ABCA1: variants seen among roughly 807,000 people sequenced by gnomAD.
The protein encoded by ABCA1 is phospholipid-transporting ATPase ABCA1.
ABCA1 carries 133 observed loss-of-function variants against 262.5 expected under a neutral mutation model. The ratio of observed to expected loss-of-function variants is 0.51; its 90% CI spans 0.44 to 0.59. The LOEUF is 0.59. Among genes scored for constraint, ABCA1 ranks in the 20% least tolerant of loss-of-function variants. ABCA1 has a pLI of 0.00. For missense variants in ABCA1, 2,452 were observed against 2,777.5 expected (o/e 0.88, Z 2.63); for synonymous variants, 1,022 against 1,043.5 (o/e 0.98, Z 0.40).
intron 7 of ABCA1, among the ~76,000 whole-genome samples, chr9:104,846,784 G>A (rs4149292): frequency 0.087 from 13,297 of 152,152 alleles, 652 homozygotes; most frequent in Middle Eastern, 0.13. Flanking sequence ...AGGGACCTAC[G>A]CGGTCTCCCT....
intron 21 of ABCA1, 62 bp downstream of exon 21, chr9:104,819,865 T>C (rs954112130): frequency 1.8e-5 from 29 of 1,608,668 alleles, no homozygotes; most frequent in Non-Finnish European, 2.3e-5. Context: ...CTGATTTTCC[T>C]CCGCATGTGT....
intron 2 of ABCA1, among the ~76,000 whole-genome samples, chr9:104,895,593 A>G (rs1031129778): frequency 1.3e-5 from 2 of 152,258 alleles, no homozygotes; most frequent in South Asian, 4.1e-4. Context: ...TATTTCACAT[A>G]GAAGGCTTAG....
At chr9:104,834,739 G>C (rs1311205716) in intron 11 of ABCA1, among the ~76,000 whole-genome samples, 1 of 133,166 alleles carries the variant, frequency 7.5e-6, no homozygotes, top group Non-Finnish European at 1.6e-5. Context: ...TCAGAAAAGA[G>C]AGCAAATCAG....
chr9:104,871,365 T>C (rs867067052), intron 5 of ABCA1, among the ~76,000 whole-genome samples: 6 of 152,146 alleles, frequency 3.9e-5, no homozygotes, highest in South Asian at 2.1e-4. Flanking sequence ...ACAATACCCA[T>C]GTCTTACTGA....
At chr9:104,847,215 G>A (rs1282039512) in intron 7 of ABCA1, among the ~76,000 whole-genome samples, 2 of 152,134 alleles carry the variant, frequency 1.3e-5, no homozygotes, top group African/African-American at 4.8e-5. Context: ...AAGATTGTTA[G>A]GATTCTTGTC....
chr9:104,785,283 A>C, intron 49 of ABCA1, 113 bp downstream of exon 49: 1 of 1,395,460 alleles, frequency 7.2e-7, no homozygotes, highest in Non-Finnish European at 9.9e-7. Context: ...ATAGTAGATC[A>C]GGAATTCAAG....
Position 104,798,338 on chromosome 9 carries a change from T to C in ABCA1, c.5121+83A>G, listed in dbSNP as rs1242136055. The C allele has an allele frequency of 1.9e-5, 29 of 1,495,348 alleles. No individual in the cohort carries two copies. In the East Asian group the frequency reaches 6.5e-4, roughly 34 times the overall value. 92.6% of individuals were successfully genotyped at this position (1,495,348 alleles called of 1,614,324 possible). On this transcript the variant is annotated intron_variant, in intron 37 of 49. Transcript: ENST00000374736. ...GAGTAGCTGGAACATTTCCTGATGA[T>C]AGCCAGAGCTCTTTCTTTCTTATCC...
intron 1 of ABCA1, among the ~76,000 whole-genome samples, chr9:104,922,639 T>C (rs1467967350): frequency 2.0e-5 from 3 of 152,212 alleles, no homozygotes; most frequent in Admixed American, 2.0e-4. Context: ...AGAGGTGTCT[T>C]CAAAGAGTTT....
At chr9:104,813,574 C>T (rs1282135036) in intron 27 of ABCA1, among the ~76,000 whole-genome samples, 3 of 152,098 alleles carry the variant, frequency 2.0e-5, no homozygotes, top group South Asian at 2.1e-4. Flanking sequence ...CCACCACACT[C>T]GGCTAATTTT....
chr9:104,887,195 T>G (rs1247342977), intron 3 of ABCA1, among the ~76,000 whole-genome samples: 1 of 152,198 alleles, frequency 6.6e-6, no homozygotes, highest in Non-Finnish European at 1.5e-5. Flanking sequence ...GGAGGCTCAC[T>G]GGAACCTGGG....
At chr9:104,909,705 T>C (rs1453670627) in intron 1 of ABCA1, among the ~76,000 whole-genome samples, 1 of 151,448 alleles carries the variant, frequency 6.6e-6, no homozygotes, top group African/African-American at 2.4e-5. Context: ...AGTTAGCACC[T>C]GGCACGTGTT....
chr9:104,915,997 C>T (rs4149261), intron 1 of ABCA1, among the ~76,000 whole-genome samples: 14,411 of 151,994 alleles, frequency 0.095, 916 homozygotes, highest in East Asian at 0.35. Context: ...GTCAGACAGC[C>T]CTCTATTTGC....
chr9:104,884,683 T>C (rs943877594), intron 3 of ABCA1, 115 bp from the exon 4 acceptor site: 3 of 1,233,846 alleles, frequency 2.4e-6, no homozygotes. Flanking sequence ...ATTCCCCACA[T>C]CCCAGAGACC....
At chr9:104,826,348 G>A (rs2118989594) in intron 16 of ABCA1, among the ~76,000 whole-genome samples, 1 of 152,258 alleles carries the variant, frequency 6.6e-6, no homozygotes, top group Middle Eastern at 3.4e-3. Context: ...TTCCTGATAA[G>A]TGACCTGGGG....
chr9:104,915,561 G>T (rs1841795484), intron 1 of ABCA1, among the ~76,000 whole-genome samples: 1 of 152,030 alleles, frequency 6.6e-6, no homozygotes, highest in East Asian at 1.9e-4. Flanking sequence ...TATTATATGA[G>T]GTCTGAGAGG....
At chr9:104,850,236 C>T (rs1835260947) in intron 7 of ABCA1, among the ~76,000 whole-genome samples, 1 of 152,152 alleles carries the variant, frequency 6.6e-6, no homozygotes, top group African/African-American at 2.4e-5. Flanking sequence ...ATTCTCCTGC[C>T]TCAGTCTCTC....
At chr9:104,903,828 C>A in intron 1 of ABCA1, 57 bp from the exon 2 acceptor site, 1 of 733,476 alleles carries the variant, frequency 1.4e-6, no homozygotes, top group Non-Finnish European at 2.4e-6. Flanking sequence ...AAGCCATACA[C>A]CAATGAGGAC....
In ABCA1 at chr9:104,827,169, A is replaced by C; in HGVS notation, c.2116T>G (p.Leu706Val). 1 of 1,613,332 alleles carries C rather than the reference A, an allele frequency of 6.2e-7. No homozygotes were observed. The highest frequency in any genetic ancestry group is 8.5e-7 in the Non-Finnish European group (1 of 1,179,338). Residue 706 changes from leucine to valine, a missense_variant and splice_region_variant, in exon 16 of 50, where the codon TTA becomes GTA. Leu to Val is a conservative substitution (Grantham distance 32). Transcript: ENST00000374736. The part of the protein sequence containing the change: ...SAGLLVVILK[L>V]GNLLPYSDPS... ...TCACTGTAGGGCAGCAGGTTTCCTA[A>C]CTGGGAAGGAAGAGACACATCAAAT...
intron 5 of ABCA1, among the ~76,000 whole-genome samples, chr9:104,864,634 C>T (rs1000274631): frequency 3.2e-4 from 49 of 152,176 alleles, no homozygotes; most frequent in African/African-American, 1.2e-3. Context: ...CACGTATTAG[C>T]TAACCCTCAC....
Sources: gnomAD v4.1 joint callset for allele counts (sites outside exome capture counted in the v4.1 genomes callset) on GRCh38, gnomAD v4.1.1 for gene constraint, MANE v1.5 for transcripts, NCBI Gene and HGNC (gene_info 2026-07-23, HGNC 2026-07-21) for gene names.